Variants in ADARB1 observed in about 807,000 individuals in gnomAD.
The protein encoded by ADARB1 is adenosine deaminase RNA specific B1.
In ADARB1, 10 loss-of-function variants were observed where a neutral mutation model predicts 52.4. The observed-to-expected ratio is 0.19, with a 90% CI of 0.12 to 0.32. The LOEUF is 0.32. Among genes scored for constraint, ADARB1 ranks in the 10% least tolerant of loss-of-function variants. The pLI is 1.00. For missense variants in ADARB1, 643 were observed against 922.3 expected, an observed-to-expected ratio of 0.70 and a Z score of 3.92; for synonymous variants, 349 against 371.1, an observed-to-expected ratio of 0.94 and a Z score of 0.68.
chr21:45,168,359 T>C (rs1350511885), intron 2 of ADARB1, among the ~76,000 whole-genome samples: 1 of 152,246 alleles, frequency 6.6e-6, no homozygotes, highest in Non-Finnish European at 1.5e-5. Context: ...TTGTGGATTG[T>C]GCTTTTGGTG....
chr21:45,209,347 A>G (rs932799262), intron 9 of ADARB1, among the ~76,000 whole-genome samples: 2 of 152,246 alleles, frequency 1.3e-5, no homozygotes, highest in African/African-American at 4.8e-5. Flanking sequence ...TTCTGTAGCC[A>G]GTGCTCCTGC....
At chr21:45,138,733 G>A (rs1167750108) in intron 2 of ADARB1, among the ~76,000 whole-genome samples, 1 of 152,108 alleles carries the variant, frequency 6.6e-6, no homozygotes, top group African/African-American at 2.4e-5. Context: ...ACGAGCACTG[G>A]ATCAGCTTAC....
chr21:45,176,115 C>G lies in ADARB1; in HGVS notation c.414C>G (p.Ala138=), dbSNP rs374872814. 16 of 1,613,882 alleles carry G rather than the reference C, an allele frequency of 9.9e-6. No homozygotes were observed. Among genetic ancestry groups the G allele is most frequent in the Non-Finnish European group, 1.4e-5 (16 of 1,179,978 alleles). The stretch of plus-strand genomic sequence containing the variant: ...CAAAACTCCATGCTGCTGAGAAGGC[C>G]TTGAGGTCTTTCGTTCAGTTTCCTA... ...KKAKLHAAEK[A]LRSFVQFPNA... Residue 138 remains alanine (A), a synonymous_variant, in exon 4 of 11, where the codon GCC becomes GCG. Coordinates refer to ENST00000348831, the MANE Select transcript of ADARB1 (RefSeq NM_001112.4). The surrounding 1 kb of genome is among the most constrained non-coding windows in gnomAD (Gnocchi z 5.8).
chr21:45,223,192 CAGT>C lies in ADARB1; in HGVS notation c.*998_*1000del. On this transcript the variant is annotated 3_prime_UTR_variant, in exon 11 of 11. Coordinates refer to ENST00000348831, the MANE Select transcript of ADARB1 (RefSeq NM_001112.4). The stretch of plus-strand genomic sequence containing the variant: ...TCACAGGATGGAAGTAGAATGATTT[CAGT>C]AGATACTCATTCTTGGAAAATGCCA... 2 of 985,356 alleles carry C rather than the reference CAGT, an allele frequency of 2.0e-6. No individual in the cohort carries two copies. Among genetic ancestry groups the C allele is most frequent in the Non-Finnish European group, 2.4e-6 (2 of 829,854 alleles). 61.0% of individuals were successfully genotyped at this position (985,356 alleles called of 1,614,324 possible). A position where few individuals can be genotyped will look rare whatever the true frequency, so the allele number is the denominator to read the frequency against.
intron 2 of ADARB1, among the ~76,000 whole-genome samples, chr21:45,169,698 A>G (rs1469180849): frequency 1.3e-5 from 2 of 152,220 alleles, no homozygotes; most frequent in Admixed American, 1.3e-4. Context: ...AACCAGTTTC[A>G]GCCAATAAGA....
At chr21:45,170,784 A>G (rs2146109873) in intron 2 of ADARB1, among the ~76,000 whole-genome samples, 1 of 152,312 alleles carries the variant, frequency 6.6e-6, no homozygotes, top group Admixed American at 6.5e-5. Context: ...ATTATTTATT[A>G]TAGAACATGT....
intron 9 of ADARB1, among the ~76,000 whole-genome samples, chr21:45,209,375 G>A (rs1358740170): frequency 6.6e-6 from 1 of 152,208 alleles, no homozygotes; most frequent in Non-Finnish European, 1.5e-5. Context: ...TCCACATCCA[G>A]ATTTATTTTT....
rs1156414999 is a variant in ADARB1, at chr21:45,208,081, T to C, written c.1747+3345T>C. Among the ~76,000 whole-genome samples the C allele has an allele frequency of 6.6e-6, 1 of 152,220 alleles. No homozygotes were observed. The highest frequency in any genetic ancestry group is 2.4e-5 in the African/African-American group (1 of 41,458). ...GAAGTCTCTCGAGCTTTCTCAGACT[T>C]TCTCTCAAATGAGTTTCACATCCAG... On this transcript the variant is annotated intron_variant, in intron 9 of 10. Transcript: ENST00000348831. The surrounding 1 kb of genome is among the most constrained non-coding windows in gnomAD (Gnocchi z 5.6).
At chr21:45,169,304 CG>C (rs1355649603) in intron 2 of ADARB1, among the ~76,000 whole-genome samples, 1 of 152,154 alleles carries the variant, frequency 6.6e-6, no homozygotes, top group Non-Finnish European at 1.5e-5. Context: ...ACGGGTGGGG[CG>C]TGGTTGAGGT....
chr21:45,109,779 A>G (rs1462455444), intron 1 of ADARB1, among the ~76,000 whole-genome samples: 1 of 152,240 alleles, frequency 6.6e-6, no homozygotes, highest in Non-Finnish European at 1.5e-5. Flanking sequence ...TTTTGGTGAT[A>G]GAGAAGCCAA....
At position 45,222,743 on chromosome 21, in the gene ADARB1, G is replaced by A; in HGVS notation, c.*546G>A. 1 of 985,972 alleles carries A rather than the reference G, an allele frequency of 1.0e-6. No homozygotes were observed. The highest frequency in any genetic ancestry group is 1.2e-6 in the Non-Finnish European group (1 of 830,376). 61.1% of individuals were successfully genotyped at this position (985,972 alleles called of 1,614,324 possible). A position where few individuals can be genotyped will look rare whatever the true frequency, so the allele number is the denominator to read the frequency against. On this transcript the variant is annotated 3_prime_UTR_variant, in exon 11 of 11. Coordinates refer to ENST00000348831, the MANE Select transcript of ADARB1 (RefSeq NM_001112.4). ...ATCGCCACACGTCTGTCTAAACTTAGGTCTCTTTTCTCCGTAGGTACCTCC... is the reference window on the plus strand; with the variant it reads ...ATCGCCACACGTCTGTCTAAACTTAAGTCTCTTTTCTCCGTAGGTACCTCC...
intron 8 of ADARB1, among the ~76,000 whole-genome samples, chr21:45,195,438 A>G (rs769019430): frequency 1.3e-5 from 2 of 152,194 alleles, no homozygotes; most frequent in Non-Finnish European, 2.9e-5. Flanking sequence ...TATTTCTGTC[A>G]TAGATTGTGC....
rs975090203 is a variant in ADARB1 at position 45,088,150 on chromosome 21, A to G, written c.-220+13357A>G. ...GAGTAAACATAGGTGTACGCGTTAC[A>G]TGCATGGGTTAGTGATACACCTACA... On this transcript the variant is annotated intron_variant, in intron 1 of 10. Coordinates refer to ENST00000348831, the MANE Select transcript of ADARB1 (RefSeq NM_001112.4). Among the ~76,000 whole-genome samples, 4 of 152,346 alleles carry G rather than the reference A, an allele frequency of 2.6e-5. No homozygotes were observed. The South Asian group carries it at 6.2e-4, about 24-fold the overall frequency.
intron 1 of ADARB1, among the ~76,000 whole-genome samples, chr21:45,104,986 G>A (rs757324573): frequency 7.2e-5 from 11 of 152,242 alleles, no homozygotes; most frequent in Non-Finnish European, 1.3e-4. Context: ...TTACCTAACA[G>A]GGTTAAAGTG....
intron 9 of ADARB1, among the ~76,000 whole-genome samples, chr21:45,213,535 C>G (rs965392357): frequency 7.9e-5 from 12 of 152,132 alleles, no homozygotes; most frequent in Non-Finnish European, 1.2e-4. Flanking sequence ...TGTCTTAGTA[C>G]TCCTTCATAA....
intron 2 of ADARB1, among the ~76,000 whole-genome samples, chr21:45,163,836 G>A (rs901222568): frequency 4.6e-5 from 7 of 152,110 alleles, no homozygotes; most frequent in African/African-American, 1.7e-4. Context: ...GCTCTGCCAC[G>A]CTTGTCCCCA....
intron 9 of ADARB1, among the ~76,000 whole-genome samples, chr21:45,205,412 G>A (rs1410282838): frequency 1.3e-5 from 2 of 152,222 alleles, no homozygotes; most frequent in Admixed American, 1.3e-4. Context: ...AATTATGTCA[G>A]CATTGGCTTT....
Position 45,089,781 on chromosome 21 carries a change from T to G in ADARB1, c.-220+14988T>G, listed in dbSNP as rs138749838. 3.7e-4 allele frequency among the ~76,000 whole-genome samples: 56 copies of G among 152,366 alleles called. No individual in the cohort carries two copies. The East Asian group carries it at 0.01, about 28-fold the overall frequency. On this transcript the variant is annotated intron_variant, in intron 1 of 10. Coordinates refer to ENST00000348831, the MANE Select transcript of ADARB1 (RefSeq NM_001112.4). ...TTCTTTCAATGATATTTCAAATTGC[T>G]TATTATTCTTGTGTGATAAAGTGAT...
intron 8 of ADARB1, among the ~76,000 whole-genome samples, chr21:45,203,264 G>A (rs1300934242): frequency 6.6e-6 from 1 of 152,146 alleles, no homozygotes; most frequent in East Asian, 1.9e-4. Context: ...GCTGGGACAT[G>A]CGTTCCTCCC....
Sources: gnomAD v4.1 joint callset for allele counts (sites outside exome capture counted in the v4.1 genomes callset) on GRCh38, gnomAD v4.1.1 for gene constraint, Gnocchi (gnomAD v3.1) non-coding constraint, MANE v1.5 for transcripts, NCBI Gene and HGNC (gene_info 2026-07-23, HGNC 2026-07-21) for gene names.